Variants in DNA2 observed in about 807,000 individuals in gnomAD.
The protein encoded by DNA2 is DNA replication helicase/nuclease 2, also known as DNA replication ATP-dependent helicase/nuclease DNA2.
A neutral mutation model predicts 119.1 loss-of-function variants in DNA2; 101 were observed. The observed-to-expected ratio is 0.85, with a 90% CI of 0.72 to 1.00. DNA2 has a LOEUF of 1.00. DNA2 is among the 50% of genes least tolerant of loss of function. DNA2 has a pLI of 0.00. For missense variants in DNA2, 1,121 were observed against 1,255.5 expected, an observed-to-expected ratio of 0.89 and a Z score of 1.62; for synonymous variants, 366 against 424.4, an observed-to-expected ratio of 0.86 and a Z score of 1.69.
chr10:68,427,495 A>G (rs759047946), intron 14 of DNA2, among the ~76,000 whole-genome samples: 2 of 151,248 alleles, frequency 1.3e-5, no homozygotes, highest in Non-Finnish European at 2.9e-5. Context: ...AAAATTGAAA[A>G]TATTAGGCAG....
At chr10:68,442,443 A>G (rs2051982285) in intron 9 of DNA2, among the ~76,000 whole-genome samples, 1 of 147,594 alleles carries the variant, frequency 6.8e-6, no homozygotes, top group Admixed American at 6.8e-5. Flanking sequence ...CTGGAGTGCA[A>G]TGGCAGGATC....
At chr10:68,471,531 T>C (rs1332574134) in intron 1 of DNA2, among the ~76,000 whole-genome samples, 1 of 152,024 alleles carries the variant, frequency 6.6e-6, no homozygotes, top group African/African-American at 2.4e-5. Context: ...CCGAAACTCC[T>C]CAACTTAGGG....
intron 1 of DNA2, chr10:68,470,676 T>C: frequency 4.8e-6 from 2 of 415,210 alleles, no homozygotes; most frequent in South Asian, 3.6e-5. Flanking sequence ...TTTCTACCAC[T>C]GGTGCAAGCC....
At chr10:68,430,275 G>A (rs1237501019) in intron 14 of DNA2, among the ~76,000 whole-genome samples, 161 bp downstream of exon 14, 1 of 152,106 alleles carries the variant, frequency 6.6e-6, no homozygotes, top group Non-Finnish European at 1.5e-5. Flanking sequence ...AGATCAGAAG[G>A]AAATAGCAAA....
At chr10:68,451,095 CT>C (rs1164139554) in intron 5 of DNA2, among the ~76,000 whole-genome samples, 2 of 95,110 alleles carry the variant, frequency 2.1e-5, no homozygotes, top group African/African-American at 8.2e-5. Context: ...ACAAGACTGT[CT>C]AAAAAAAAAA....
intron 4 of DNA2, chr10:68,461,603 C>A (rs986641416): frequency 5.9e-5 from 9 of 151,982 alleles, no homozygotes; most frequent in African/African-American, 2.2e-4. Flanking sequence ...CAGAGATGGG[C>A]AGATCACCTG....
intron 10 of DNA2, 41 bp downstream of exon 10, chr10:68,436,970 T>A: frequency 6.9e-7 from 1 of 1,447,614 alleles, no homozygotes; most frequent in Non-Finnish European, 9.6e-7. Context: ...GTGAATTATA[T>A]ATCAATAAAG....
At chr10:68,447,516 C>CAAAAAAAAA (rs1165549043) in intron 6 of DNA2, among the ~76,000 whole-genome samples, 4 of 54,754 alleles carry the variant, frequency 7.3e-5, no homozygotes, top group Non-Finnish European at 1.1e-4. Flanking sequence ...GACTTCACCT[C>CAAAAAAAAA]AAAAAAAAAA....
At chr10:68,416,352 G>A (rs762211933) in intron 20 of DNA2, among the ~76,000 whole-genome samples, 1 of 152,174 alleles carries the variant, frequency 6.6e-6, no homozygotes, top group Non-Finnish European at 1.5e-5. Flanking sequence ...TGTGGGCCCA[G>A]CTACTGGGGA....
intron 19 of DNA2, 31 bp from the exon 20 acceptor site, chr10:68,416,886 G>A: frequency 6.3e-7 from 1 of 1,582,868 alleles, no homozygotes; most frequent in Non-Finnish European, 8.6e-7. Flanking sequence ...AATTATTCAA[G>A]TTCAAAGGAA....
At chr10:68,422,993 G>C (rs188790745) in intron 14 of DNA2, 103 bp from the exon 15 acceptor site, 1 of 786,994 alleles carries the variant, frequency 1.3e-6, no homozygotes, top group East Asian at 2.7e-5. Context: ...TTGTTCTATG[G>C]CATCAGGAAT....
chr10:68,435,155 C>T (rs1590056862), intron 10 of DNA2, among the ~76,000 whole-genome samples: 1 of 151,840 alleles, frequency 6.6e-6, no homozygotes, highest in East Asian at 1.9e-4. Flanking sequence ...CTGGGCTCAA[C>T]TGATCGTCCC....
At chr10:68,433,953 G>A (rs187086505) in intron 10 of DNA2, among the ~76,000 whole-genome samples, 1 of 152,238 alleles carries the variant, frequency 6.6e-6, no homozygotes, top group East Asian at 1.9e-4. Flanking sequence ...TAATCCACAG[G>A]ATGAAGATTC....
At chr10:68,428,854 A>T (rs2051778127) in intron 14 of DNA2, among the ~76,000 whole-genome samples, 2 of 152,314 alleles carry the variant, frequency 1.3e-5, no homozygotes, top group South Asian at 2.1e-4. Context: ...AAAGTGCAAC[A>T]TGAGGAATCT....
intron 2 of DNA2, 59 bp from the exon 3 acceptor site, chr10:68,468,365 T>G (rs1465691300): frequency 8.8e-7 from 1 of 1,134,626 alleles, no homozygotes; most frequent in Admixed American, 3.5e-5. Flanking sequence ...CATGTAAACG[T>G]ATTAGGGAGG....
rs1356529849 is a variant in DNA2 at position 68,419,154 on chromosome 10, G to T, written c.2847C>A (p.Ile949=). The change falls in exon 19 of 21, where the codon ATC becomes ATA. Residue 949 remains isoleucine (I), a synonymous_variant. Transcript: ENST00000358410. ...IIAPYRQQLK[I]INDLLARSIG... is the part of the protein sequence containing the mutation. ...TAGAACGTGCCAATAAATCATTGAT[G>T]ATCTTTAATTGCTGCCTGTACGGTG... The T allele has an allele frequency of 1.9e-6, 3 of 1,613,224 alleles. No individual in the cohort carries two copies. Among genetic ancestry groups the T allele is most frequent in the Non-Finnish European group, 8.5e-7 (1 of 1,179,622 alleles).
At chr10:68,459,319 G>A (rs1365946211) in intron 4 of DNA2, 84 bp from the exon 5 acceptor site, 10 of 1,364,112 alleles carry the variant, frequency 7.3e-6, no homozygotes, top group Non-Finnish European at 9.7e-6. Flanking sequence ...GTATAAATAT[G>A]AGAAAAGTAA....
At chr10:68,458,718 G>T (rs2052217774) in intron 5 of DNA2, among the ~76,000 whole-genome samples, 1 of 151,702 alleles carries the variant, frequency 6.6e-6, no homozygotes, top group African/African-American at 2.4e-5. Flanking sequence ...TGTGGTGGCA[G>T]GCGCCTGTAA....
At chr10:68,460,539 C>G (rs2052243547) in intron 4 of DNA2, among the ~76,000 whole-genome samples, 1 of 151,630 alleles carries the variant, frequency 6.6e-6, no homozygotes, top group African/African-American at 2.4e-5. Context: ...CCCTGAGTAG[C>G]TGGAACCATA....
Sources: allele counts gnomAD v4.1 joint callset (sites outside exome capture counted in the v4.1 genomes callset), GRCh38; gene constraint gnomAD v4.1.1; transcripts MANE v1.5; gene names NCBI Gene and HGNC (gene_info 2026-07-23, HGNC 2026-07-21).